KHDRBS2: variants seen among roughly 807,000 people sequenced by gnomAD.
KHDRBS2 encodes the protein KH domain-containing, RNA-binding, signal transduction-associated protein 2.
In KHDRBS2, 26 loss-of-function variants were observed where a neutral mutation model predicts 44.3. The ratio of observed to expected loss-of-function variants is 0.59; its 90% CI spans 0.43 to 0.81. The LOEUF (loss-of-function observed/expected upper bound fraction) is 0.81, where lower values mean the gene tolerates loss of function less well. Ranked by LOEUF, KHDRBS2 falls within the 40% of genes least tolerant of loss-of-function variation. The probability of loss-of-function intolerance (pLI) is 0.00; values close to 1 mark genes in which losing one functional copy is unlikely to be tolerated. For synonymous variants in KHDRBS2, 194 were observed against 151.1 expected (o/e 1.28, Z -2.08); for missense variants, 476 against 433.1 (o/e 1.10, Z -0.88).
At chr6:62,256,965 G>A (rs1837488382) in intron 1 of KHDRBS2, among the ~76,000 whole-genome samples, 1 of 152,002 alleles carries the variant, frequency 6.6e-6, no homozygotes, top group Non-Finnish European at 1.5e-5. Flanking sequence ...AACCAGCCTC[G>A]GCTATCTCAC....
At chr6:61,549,098 T>C in the KHDRBS2 span, among the ~76,000 whole-genome samples, 1 of 152,082 alleles carries the variant, frequency 6.6e-6, no homozygotes, top group Non-Finnish European at 1.5e-5. Flanking sequence ...AATAATGCAA[T>C]GACCTTAGGA....
chr6:61,594,142 C>T, the KHDRBS2 span, among the ~76,000 whole-genome samples: 1 of 151,936 alleles, frequency 6.6e-6, no homozygotes, highest in Non-Finnish European at 1.5e-5. Flanking sequence ...ATTTTACTCA[C>T]AAAAGTATGA....
chr6:61,970,137 T>A (rs1479288819), intron 4 of KHDRBS2, among the ~76,000 whole-genome samples: 4 of 151,984 alleles, frequency 2.6e-5, no homozygotes, highest in Admixed American at 2.6e-4. Flanking sequence ...TATATATGTG[T>A]GTATCTATAT....
chr6:61,569,459 T>A, the KHDRBS2 span, among the ~76,000 whole-genome samples: 5 of 152,138 alleles, frequency 3.3e-5, no homozygotes, highest in African/African-American at 1.2e-4. Context: ...AAATGCCACC[T>A]CCTGGCTGGA....
At chr6:61,552,232 C>T in the KHDRBS2 span, among the ~76,000 whole-genome samples, 1 of 151,344 alleles carries the variant, frequency 6.6e-6, no homozygotes. Context: ...TCTTTCAATT[C>T]CCTGGATAAC....
the KHDRBS2 span, among the ~76,000 whole-genome samples, chr6:61,664,483 T>C: frequency 6.6e-6 from 1 of 151,782 alleles, no homozygotes. Flanking sequence ...CATTTCCTTT[T>C]GGAAAACAGG....
chr6:61,548,748 T>C, the KHDRBS2 span, among the ~76,000 whole-genome samples: 1 of 152,128 alleles, frequency 6.6e-6, no homozygotes, highest in East Asian at 1.9e-4. Context: ...GTGATATCAA[T>C]ACCATCACCA....
chr6:61,934,650 C>T (rs780103060), intron 4 of KHDRBS2, among the ~76,000 whole-genome samples: 2 of 151,972 alleles, frequency 1.3e-5, no homozygotes, highest in Non-Finnish European at 2.9e-5. Flanking sequence ...TTAAGAATGT[C>T]ATAATTTACT....
In KHDRBS2 at chr6:62,189,722, T is replaced by C. The variant is rs147551786; in HGVS notation, c.92-12410A>G. ...TTGGAAGGTAGAGGTTTGCTGTAGA[T>C]AGAATGGAAGTCTAAGAAAAAGGGG... is the stretch of plus-strand genomic sequence containing the variant. On this transcript the variant is annotated intron_variant, in intron 1 of 8. Coordinates refer to ENST00000281156, the MANE Select transcript of KHDRBS2 (RefSeq NM_152688.4). Among the ~76,000 whole-genome samples, 369 of 152,160 alleles carry C rather than the reference T, an allele frequency of 2.4e-3. 1 individual carries two copies. The highest frequency in any genetic ancestry group is 8.4e-3 in the African/African-American group (350 of 41,526).
intron 8 of KHDRBS2, among the ~76,000 whole-genome samples, chr6:61,690,863 A>G (rs1767328193): frequency 6.6e-6 from 1 of 152,092 alleles, no homozygotes; most frequent in African/African-American, 2.4e-5. Context: ...TGGTCTTATT[A>G]CTGTAAGAGA....
chr6:61,664,253 C>CA, the KHDRBS2 span, among the ~76,000 whole-genome samples: 1 of 151,666 alleles, frequency 6.6e-6, no homozygotes, highest in Non-Finnish European at 1.5e-5. Context: ...AATATAGTAT[C>CA]AATGGAAGGT....
intron 2 of KHDRBS2, among the ~76,000 whole-genome samples, chr6:62,064,890 AG>A (rs1377113709): frequency 6.7e-6 from 1 of 150,194 alleles, no homozygotes; most frequent in African/African-American, 2.4e-5. Context: ...CATCTGACAA[AG>A]GGCTAATATC....
the KHDRBS2 span, among the ~76,000 whole-genome samples, chr6:61,557,730 C>T: frequency 6.6e-6 from 1 of 152,256 alleles, no homozygotes; most frequent in East Asian, 1.9e-4. Context: ...TTAACAACAA[C>T]TGAATTTGGT....
At chr6:61,755,750 A>G (rs1360633521) in intron 6 of KHDRBS2, among the ~76,000 whole-genome samples, 1 of 150,778 alleles carries the variant, frequency 6.6e-6, no homozygotes, top group East Asian at 2.0e-4. Flanking sequence ...CAGTGAGCCG[A>G]GATAAGGCCA....
At chr6:61,811,828 G>C (rs904886777) in intron 6 of KHDRBS2, among the ~76,000 whole-genome samples, 7 of 151,720 alleles carry the variant, frequency 4.6e-5, no homozygotes, top group African/African-American at 1.7e-4. Context: ...TTACTCCTTT[G>C]AGACTTATAG....
intron 1 of KHDRBS2, among the ~76,000 whole-genome samples, chr6:62,231,288 G>A (rs1832855171): frequency 6.6e-6 from 1 of 152,146 alleles, no homozygotes; most frequent in South Asian, 2.1e-4. Context: ...ATTCTGCATG[G>A]TTGGGAGACT....
At chr6:61,621,419 A>G in the KHDRBS2 span, among the ~76,000 whole-genome samples, 1 of 152,196 alleles carries the variant, frequency 6.6e-6, no homozygotes, top group African/African-American at 2.4e-5. Context: ...AAACCAGAGG[A>G]CTTTTTGGTA....
intron 6 of KHDRBS2, among the ~76,000 whole-genome samples, chr6:61,740,075 A>G (rs891817981): frequency 6.6e-5 from 10 of 151,936 alleles, no homozygotes; most frequent in Non-Finnish European, 1.2e-4. Context: ...CAATTGAGAT[A>G]CCAAAGAAAG....
intron 7 of KHDRBS2, among the ~76,000 whole-genome samples, chr6:61,730,251 A>C: frequency 6.6e-6 from 1 of 152,136 alleles, no homozygotes; most frequent in East Asian, 1.9e-4. Flanking sequence ...CACTGCAACT[A>C]ATTTCATCAC....
Sources: gnomAD v4.1 joint callset for allele counts (sites outside exome capture counted in the v4.1 genomes callset) on GRCh38, gnomAD v4.1.1 for gene constraint, MANE v1.5 for transcripts, NCBI Gene and HGNC (gene_info 2026-07-23, HGNC 2026-07-21) for gene names.